The following AFG2A variants were observed in gnomAD, a reference collection of about 807,000 sequenced individuals.
AFG2A encodes ATPase family gene 2 protein homolog A.
At chr4:123,208,690 T>C in the AFG2A span, among the ~76,000 whole-genome samples, 1 of 152,168 alleles carries the variant, frequency 6.6e-6, no homozygotes, top group South Asian at 2.1e-4. Flanking sequence ...GTGTAACATA[T>C]TTAGACAATA....
At chr4:123,207,064 TTTTAA>T in the AFG2A span, among the ~76,000 whole-genome samples, 9 of 152,166 alleles carry the variant, frequency 5.9e-5, no homozygotes, top group Non-Finnish European at 1.2e-4. Flanking sequence ...GCAATGAATC[TTTTAA>T]TTTATATTAG....
At chr4:123,177,965 A>G in the AFG2A span, among the ~76,000 whole-genome samples, 1 of 152,154 alleles carries the variant, frequency 6.6e-6, no homozygotes, top group African/African-American at 2.4e-5. Flanking sequence ...ATTTTGCGTA[A>G]TTTATGTCAT....
chr4:123,288,123 G>A, the AFG2A span, among the ~76,000 whole-genome samples: 1 of 152,234 alleles, frequency 6.6e-6, no homozygotes, highest in African/African-American at 2.4e-5. Context: ...CATAGGATTA[G>A]TGACCTTGAC....
At chr4:123,255,867 AT>A in the AFG2A span, 1 of 939,022 alleles carries the variant, frequency 1.1e-6, no homozygotes, top group Non-Finnish European at 1.6e-6. Flanking sequence ...GGTGACATAG[AT>A]TATGGAATCT....
chr4:123,113,293 C>T, the AFG2A span, among the ~76,000 whole-genome samples: 2,518 of 152,066 alleles, frequency 0.017, 29 homozygotes, highest in African/African-American at 0.029. Flanking sequence ...GTTTATTTTC[C>T]CAGACAAATC....
the AFG2A span, among the ~76,000 whole-genome samples, chr4:122,957,946 A>G: frequency 6.6e-6 from 1 of 152,236 alleles, no homozygotes; most frequent in East Asian, 1.9e-4. Context: ...AATTTGAGAA[A>G]TATGTGTGAA....
the AFG2A span, among the ~76,000 whole-genome samples, chr4:123,149,801 T>G: frequency 9.0e-5 from 2 of 22,286 alleles, no homozygotes; most frequent in Admixed American, 1.5e-3. Context: ...GAAATAGCTT[T>G]TTTTTTTTTT....
the AFG2A span, among the ~76,000 whole-genome samples, chr4:123,228,372 C>T: frequency 6.6e-6 from 1 of 151,524 alleles, no homozygotes; most frequent in African/African-American, 2.4e-5. Flanking sequence ...TGTTCCTTTC[C>T]ATGTTTAGTC....
the AFG2A span, among the ~76,000 whole-genome samples, chr4:123,227,580 C>T: frequency 3.2e-4 from 48 of 152,036 alleles, no homozygotes; most frequent in African/African-American, 9.9e-4. Flanking sequence ...GAGAGACAGT[C>T]TGTTATAATT....
At chr4:123,238,060 A>G in the AFG2A span, among the ~76,000 whole-genome samples, 2 of 152,174 alleles carry the variant, frequency 1.3e-5, no homozygotes, top group Non-Finnish European at 2.9e-5. Flanking sequence ...ACACCCACGG[A>G]GCCTTGCTTG....
At chr4:122,940,128 G>A in the AFG2A span, among the ~76,000 whole-genome samples, 2 of 152,064 alleles carry the variant, frequency 1.3e-5, no homozygotes, top group Non-Finnish European at 2.9e-5. Flanking sequence ...ATGATTTATA[G>A]TCCTTTGAGT....
At chr4:123,184,528 A>ATTT in the AFG2A span, among the ~76,000 whole-genome samples, 2 of 80,914 alleles carry the variant, frequency 2.5e-5, no homozygotes, top group Non-Finnish European at 5.2e-5. Flanking sequence ...CAGCATGATC[A>ATTT]TTTCTTTTTT....
chr4:123,314,172 A>C, the AFG2A span: 2 of 889,412 alleles, frequency 2.2e-6, no homozygotes, highest in Non-Finnish European at 3.2e-6. Context: ...AAATGTTTGA[A>C]GTATGTTCAG....
chr4:123,275,662 A>C, the AFG2A span, among the ~76,000 whole-genome samples: 46 of 152,026 alleles, frequency 3.0e-4, no homozygotes, highest in South Asian at 7.1e-3. Flanking sequence ...CCCTAGCCTC[A>C]AGTAGGCCCC....
the AFG2A span, among the ~76,000 whole-genome samples, chr4:123,050,546 A>G: frequency 1.3e-5 from 2 of 152,168 alleles, no homozygotes; most frequent in Admixed American, 1.3e-4. Context: ...TTTCTAAATC[A>G]TTATATAATG....
chr4:123,008,273 T>C, the AFG2A span, among the ~76,000 whole-genome samples: 1 of 152,138 alleles, frequency 6.6e-6, no homozygotes, highest in African/African-American at 2.4e-5. Context: ...CAGTCACCAG[T>C]TCTTATGGGA....
At chr4:123,266,638 T>G in the AFG2A span, among the ~76,000 whole-genome samples, 1 of 152,016 alleles carries the variant, frequency 6.6e-6, no homozygotes. Context: ...GTAATCCTAT[T>G]TTTATTTTTT....
At chr4:123,213,906 A>C in the AFG2A span, among the ~76,000 whole-genome samples, 1 of 152,206 alleles carries the variant, frequency 6.6e-6, no homozygotes, top group Admixed American at 6.6e-5. Flanking sequence ...AACTTAAGTA[A>C]GTCTATCTCT....
the AFG2A span, among the ~76,000 whole-genome samples, chr4:123,028,887 A>G: frequency 7.2e-5 from 11 of 152,286 alleles, no homozygotes; most frequent in East Asian, 2.1e-3. Context: ...TTATTTGTTC[A>G]TTGCTTCGCC....
Sources: allele counts gnomAD v4.1 joint callset (sites outside exome capture counted in the v4.1 genomes callset), GRCh38; gene constraint gnomAD v4.1.1; transcripts MANE v1.5; gene names NCBI Gene and HGNC (gene_info 2026-07-23, HGNC 2026-07-21).